The following GALNT10 variants were observed in gnomAD, a reference collection of about 807,000 sequenced individuals.
The protein encoded by GALNT10 is polypeptide N-acetylgalactosaminyltransferase 10, also known as GalNAc transferase 10.
Under a neutral mutation model 75.0 loss-of-function variants are expected in GALNT10, and 41 were observed. That is an observed-to-expected ratio of 0.55 (90% CI 0.43 to 0.71). GALNT10 has a LOEUF of 0.71. GALNT10 is among the 30% of genes least tolerant of loss of function. The probability of loss-of-function intolerance (pLI) is 0.00; values close to 1 mark genes in which losing one functional copy is unlikely to be tolerated. For missense variants in GALNT10, 727 were observed against 818.5 expected (o/e 0.89, Z 1.36); for synonymous variants, 302 against 313.0 (o/e 0.96, Z 0.37).
intron 8 of GALNT10, among the ~76,000 whole-genome samples, chr5:154,405,713 G>A (rs1756266084): frequency 2.0e-5 from 3 of 152,132 alleles, no homozygotes. Context: ...GGGCGCAGTG[G>A]TGTGTGCCTG....
intron 1 of GALNT10, among the ~76,000 whole-genome samples, chr5:154,286,852 G>A (rs917660660): frequency 2.6e-5 from 4 of 152,192 alleles, no homozygotes; most frequent in South Asian, 2.1e-4. Flanking sequence ...ACATAGACTC[G>A]TGGTTGCTGG....
chr5:154,277,878 A>G (rs1309471867), intron 1 of GALNT10, among the ~76,000 whole-genome samples: 1 of 152,216 alleles, frequency 6.6e-6, no homozygotes, highest in Non-Finnish European at 1.5e-5. Context: ...TTCTTCTCCC[A>G]GGTCCCAGTA....
At chr5:154,328,891 C>T (rs186022568) in intron 3 of GALNT10, among the ~76,000 whole-genome samples, 1 of 152,216 alleles carries the variant, frequency 6.6e-6, no homozygotes, top group East Asian at 1.9e-4. Context: ...GAAGGACCTC[C>T]TACATTCTTG....
Position 154,246,846 on chromosome 5 carries a change from G to T in GALNT10, c.160-47970G>T, listed in dbSNP as rs576098724. ...CCATTTGTCAATTTTGGCTTTTGTTGCCATTGCTTTTGGTGTTTTAGACAT... is the reference window on the plus strand; with the variant it reads ...CCATTTGTCAATTTTGGCTTTTGTTTCCATTGCTTTTGGTGTTTTAGACAT... On this transcript the variant is annotated intron_variant, in intron 1 of 11. Coordinates refer to ENST00000297107, the MANE Select transcript of GALNT10 (RefSeq NM_198321.4). 2.4e-3 allele frequency among the ~76,000 whole-genome samples: 359 copies of T among 152,324 alleles called. 1 individual carries two copies. The highest frequency in any genetic ancestry group is 4.0e-3 in the Non-Finnish European group (270 of 68,034).
At chr5:154,249,475 C>G (rs1343842833) in intron 1 of GALNT10, among the ~76,000 whole-genome samples, 1 of 152,102 alleles carries the variant, frequency 6.6e-6, no homozygotes, top group Non-Finnish European at 1.5e-5. Context: ...GAAATGACAA[C>G]AGAGTAGAAT....
At position 154,294,818 on chromosome 5, in the gene GALNT10, C is replaced by T; in HGVS notation, c.162C>T (p.Gly54=). 1.3e-6 allele frequency: 2 copies of T among 1,554,964 alleles called. No individual in the cohort carries two copies. Among genetic ancestry groups the T allele is most frequent in the Non-Finnish European group, 8.9e-7 (1 of 1,126,260 alleles). Residue 54 remains glycine (G), a splice_region_variant and synonymous_variant, in exon 2 of 12, where the codon GGC becomes GGT. Coordinates refer to ENST00000297107, the MANE Select transcript of GALNT10 (RefSeq NM_198321.4). ...GAAVAPAAGQ[G]SHSRQKKTFF... ...CATAGTTTTTGTCTTTTTTTAAGGGCTCACACAGTCGACAAAAGAAAACGT... is the reference window on the plus strand; with the variant it reads ...CATAGTTTTTGTCTTTTTTTAAGGGTTCACACAGTCGACAAAAGAAAACGT...
chr5:154,254,743 A>T (rs1030893684), intron 1 of GALNT10, among the ~76,000 whole-genome samples: 1 of 152,156 alleles, frequency 6.6e-6, no homozygotes, highest in Admixed American at 6.6e-5. Context: ...CTTGCTGGGT[A>T]TATAAATTAG....
intron 10 of GALNT10, among the ~76,000 whole-genome samples, chr5:154,415,412 A>G (rs1196253684): frequency 6.6e-6 from 1 of 151,904 alleles, no homozygotes; most frequent in East Asian, 1.9e-4. Flanking sequence ...GTCTCGGCTC[A>G]CTGCAACGTC....
chr5:154,399,115 G>T (rs1756107143), intron 7 of GALNT10, among the ~76,000 whole-genome samples: 1 of 152,218 alleles, frequency 6.6e-6, no homozygotes, highest in Admixed American at 6.5e-5. Context: ...CCTGCAGGAG[G>T]TCACATAGCA....
chr5:154,370,878 T>C (rs1410492302), intron 4 of GALNT10, among the ~76,000 whole-genome samples: 2 of 152,208 alleles, frequency 1.3e-5, no homozygotes, highest in Non-Finnish European at 2.9e-5. Flanking sequence ...AGTGCAGTGC[T>C]CCAGACCAGG....
At chr5:154,283,671 G>A (rs560446590) in intron 1 of GALNT10, among the ~76,000 whole-genome samples, 56 of 152,188 alleles carry the variant, frequency 3.7e-4, no homozygotes, top group African/African-American at 1.3e-3. Context: ...TTTCCTCCTG[G>A]GCCAGGAAGG....
rs1561688960 is a variant in GALNT10, at chr5:154,416,432, C to CA, written c.1654-375dup. Among the ~76,000 whole-genome samples the CA allele has an allele frequency of 2.7e-5, 4 of 148,174 alleles. No homozygotes were observed. On this transcript the variant is annotated intron_variant, in intron 11 of 11. Coordinates refer to ENST00000297107, the MANE Select transcript of GALNT10 (RefSeq NM_198321.4). The surrounding 1 kb of genome is among the most constrained non-coding windows in gnomAD (Gnocchi z 4.5). ...TGGGTGACAGAGTGAGAACCTGTCTCAAAAAAATTAAAAAAATTAAAAAAA... is the reference window on the plus strand; with the variant it reads ...TGGGTGACAGAGTGAGAACCTGTCTCAAAAAAAATTAAAAAAATTAAAAAAA...
chr5:154,303,404 A>G (rs1754387681), intron 3 of GALNT10, among the ~76,000 whole-genome samples: 1 of 151,990 alleles, frequency 6.6e-6, no homozygotes, highest in South Asian at 2.1e-4. Context: ...GCAAAGAGAG[A>G]CCTACAGAGA....
chr5:154,342,016 C>T (rs540929252), intron 4 of GALNT10, among the ~76,000 whole-genome samples: 17 of 152,100 alleles, frequency 1.1e-4, no homozygotes, highest in African/African-American at 4.1e-4. Flanking sequence ...TTCCCTTTTG[C>T]GGGTTGGGTG....
intron 1 of GALNT10, among the ~76,000 whole-genome samples, chr5:154,208,029 G>GC (rs1418393738): frequency 6.6e-6 from 1 of 152,184 alleles, no homozygotes; most frequent in Admixed American, 6.5e-5. Context: ...TCCCAGGACA[G>GC]CTCTCGAGGG....
intron 1 of GALNT10, among the ~76,000 whole-genome samples, chr5:154,240,351 G>A (rs770064365): frequency 6.6e-6 from 1 of 152,224 alleles, no homozygotes; most frequent in African/African-American, 2.4e-5. Context: ...AACAGAGGAA[G>A]TACATAAAGC....
chr5:154,262,314 C>G (rs1015587179), intron 1 of GALNT10, among the ~76,000 whole-genome samples: 2 of 152,312 alleles, frequency 1.3e-5, no homozygotes, highest in South Asian at 4.1e-4. Context: ...CCTTCTGTCC[C>G]TCTCAGCTCA....
intron 4 of GALNT10, among the ~76,000 whole-genome samples, chr5:154,355,253 C>T (rs985647871): frequency 6.6e-6 from 1 of 152,192 alleles, no homozygotes; most frequent in African/African-American, 2.4e-5. Context: ...CTCCTCCCCC[C>T]TCACCCTCTC....
At position 154,200,043 on chromosome 5, in the gene GALNT10, C is replaced by T. The variant is rs182482563; in HGVS notation, c.159+9018C>T. 2.8e-3 allele frequency among the ~76,000 whole-genome samples: 427 copies of T among 152,282 alleles called. 4 individuals carry two copies. Among genetic ancestry groups the T allele is most frequent in the African/African-American group, 9.7e-3 (402 of 41,544 alleles). The stretch of plus-strand genomic sequence containing the variant: ...CCAATCCAGCTGGGATGCTTCCTTC[C>T]GGTATCTGCGCCAGCCACTGACTGG... On this transcript the variant is annotated intron_variant, in intron 1 of 11. Transcript: ENST00000297107.
Sources: allele counts gnomAD v4.1 joint callset (sites outside exome capture counted in the v4.1 genomes callset), GRCh38; gene constraint gnomAD v4.1.1; non-coding constraint Gnocchi (gnomAD v3.1); transcripts MANE v1.5; gene names NCBI Gene and HGNC (gene_info 2026-07-23, HGNC 2026-07-21).